The following CFAP92 variants were observed in gnomAD, a reference collection of about 807,000 sequenced individuals.
CFAP92 encodes the protein uncharacterized protein CFAP92.
In CFAP92, 86 loss-of-function variants were observed where a neutral mutation model predicts 106.3. That is an observed-to-expected ratio of 0.81 (90% CI 0.68 to 0.97). CFAP92 has a LOEUF of 0.97. Among genes scored for constraint, CFAP92 ranks in the 50% least tolerant of loss-of-function variants. CFAP92 has a pLI of 0.00. For missense variants in CFAP92, 1,204 were observed against 1,283.8 expected, an observed-to-expected ratio of 0.94 and a Z score of 0.95; for synonymous variants, 477 against 506.4, an observed-to-expected ratio of 0.94 and a Z score of 0.78.
chr3:128,993,181 T>C lies in CFAP92; in HGVS notation c.124A>G (p.Arg42Gly), dbSNP rs765406321. ...CGGTCAGAGTCAGACTCCTGGGCCCTGGCCTTGGCCTTCAGGTGTTCCTCC... is the reference window on the plus strand; with the variant it reads ...CGGTCAGAGTCAGACTCCTGGGCCCCGGCCTTGGCCTTCAGGTGTTCCTCC... Reference protein sequence around the residue: ...DVEEHLKAKARAQESDSDRPC... With the variant: ...DVEEHLKAKAGAQESDSDRPC... Residue 42 changes from arginine to glycine, a missense_variant, in exon 2 of 16, where the codon AGG (arginine) becomes GGG (glycine). By Grantham distance (125) the Arg-to-Gly change is moderately radical (BLOSUM62 -2). Coordinates refer to ENST00000645291, the MANE Select transcript of CFAP92 (RefSeq NM_001394090.1). 1.7e-5 allele frequency: 28 copies of C among 1,613,938 alleles called. No homozygotes were observed. Among genetic ancestry groups the C allele is most frequent in the Non-Finnish European group, 2.3e-5 (27 of 1,179,910 alleles).
chr3:128,935,637 A>G (rs1386467754), intron 10 of CFAP92, among the ~76,000 whole-genome samples: 2 of 152,132 alleles, frequency 1.3e-5, no homozygotes, highest in South Asian at 2.1e-4. Flanking sequence ...ACTTGAACCT[A>G]GGAGGCGGAG....
At chr3:128,957,399 T>C (rs1015202191) in intron 9 of CFAP92, among the ~76,000 whole-genome samples, 3 of 152,196 alleles carry the variant, frequency 2.0e-5, no homozygotes, top group Admixed American at 6.5e-5. Context: ...TCACTCAAAC[T>C]GGTAAAATAT....
chr3:128,973,673 A>G, intron 7 of CFAP92, among the ~76,000 whole-genome samples: 1 of 152,060 alleles, frequency 6.6e-6, no homozygotes, highest in African/African-American at 2.4e-5. Flanking sequence ...AAAAAAAAAA[A>G]AAGAGAGAGA....
At chr3:129,021,104 C>T in the CFAP92 span, among the ~76,000 whole-genome samples, 1 of 152,242 alleles carries the variant, frequency 6.6e-6, no homozygotes, top group South Asian at 2.1e-4. Flanking sequence ...ACATGAGGGG[C>T]CCTGCCAGGG....
the CFAP92 span, among the ~76,000 whole-genome samples, chr3:129,022,433 G>A: frequency 2.0e-5 from 3 of 152,210 alleles, no homozygotes; most frequent in Non-Finnish European, 4.4e-5. Flanking sequence ...ATGAAGATCT[G>A]GAGCCAGGAG....
intron 9 of CFAP92, among the ~76,000 whole-genome samples, chr3:128,964,643 C>G (rs147912447): frequency 3.3e-5 from 5 of 152,296 alleles, no homozygotes; most frequent in African/African-American, 1.2e-4. Context: ...ATTCTTAGAC[C>G]TTTTATACCT....
rs1482878769 is a variant in CFAP92 at position 128,977,049 on chromosome 3, G to T, written c.826C>A (p.Pro276Thr). The T allele has an allele frequency of 2.5e-6, 4 of 1,613,598 alleles. No individual in the cohort carries two copies. Among genetic ancestry groups the T allele is most frequent in the Non-Finnish European group, 3.4e-6 (4 of 1,179,752 alleles). Reference protein sequence around the residue: ...KSLQGSHQAEPETSSKNSEEY... With the variant: ...KSLQGSHQAETETSSKNSEEY... ...TCACTGTTCTTGGAAGAAGTTTCGGGCTCTGCTTGGTGAGAACCTGAAAAC... is the reference window on the plus strand; with the variant it reads ...TCACTGTTCTTGGAAGAAGTTTCGGTCTCTGCTTGGTGAGAACCTGAAAAC... Residue 276 changes from proline (P) to threonine (T), a missense_variant, in exon 6 of 16, where the codon CCC becomes ACC. Transcript: ENST00000645291.
At chr3:128,915,019 G>A (rs987079198) in intron 15 of CFAP92, 100 bp downstream of exon 15, 14 of 1,218,928 alleles carry the variant, frequency 1.1e-5, no homozygotes, top group African/African-American at 3.0e-5. Context: ...TTGGTTGATA[G>A]TGTAAACAAA....
chr3:128,978,296 CTAAAGTAAATATCACAA>C, intron 4 of CFAP92, 111 bp from the exon 5 acceptor site: 1 of 1,074,906 alleles, frequency 9.3e-7, no homozygotes. Context: ...TCAGACTACA[CTAAAGTAAATATCACAA>C]TAAAGTGAGT....
chr3:128,970,667 G>C (rs1250191361), intron 8 of CFAP92: 1 of 152,444 alleles, frequency 6.6e-6, no homozygotes, highest in Non-Finnish European at 1.5e-5. Context: ...TTCATAAATT[G>C]TGGTAGATCT....
chr3:128,990,097 A>T (rs1437829987), intron 2 of CFAP92, among the ~76,000 whole-genome samples: 2 of 152,280 alleles, frequency 1.3e-5, no homozygotes, highest in Non-Finnish European at 2.9e-5. Context: ...ACAGAAAAAC[A>T]TTTGAAACAA....
intron 6 of CFAP92, among the ~76,000 whole-genome samples, chr3:128,976,490 C>T (rs778227417): frequency 2.0e-5 from 3 of 152,168 alleles, no homozygotes; most frequent in Non-Finnish European, 4.4e-5. Context: ...TCTTCTCATT[C>T]CATTTCCCAA....
At chr3:128,940,731 G>T (rs1429960122) in intron 10 of CFAP92, among the ~76,000 whole-genome samples, 1 of 151,910 alleles carries the variant, frequency 6.6e-6, no homozygotes, top group Non-Finnish European at 1.5e-5. Flanking sequence ...CTATCTTAAT[G>T]ACTATAGTTT....
chr3:128,919,717 A>G (rs1937112345), intron 12 of CFAP92, among the ~76,000 whole-genome samples: 2 of 152,234 alleles, frequency 1.3e-5, no homozygotes, highest in African/African-American at 2.4e-5. Context: ...TAAGAACATA[A>G]GCAGAAAAAG....
chr3:129,014,862 C>T, the CFAP92 span, among the ~76,000 whole-genome samples: 1 of 152,092 alleles, frequency 6.6e-6, no homozygotes. This position sits in a 1 kb window ranked among gnomAD's most constrained non-coding sequence, Gnocchi z 4.3. Context: ...GAGGAGGGGC[C>T]AGTGAGGAGG....
chr3:128,921,852 T>C (rs895121375), intron 12 of CFAP92, among the ~76,000 whole-genome samples: 4 of 152,012 alleles, frequency 2.6e-5, no homozygotes, highest in African/African-American at 9.7e-5. Context: ...TCTCCCACCA[T>C]AGTAGGCAGT....
intron 15 of CFAP92, among the ~76,000 whole-genome samples, chr3:128,913,990 A>G (rs1015498473): frequency 1.3e-5 from 2 of 152,166 alleles, no homozygotes; most frequent in African/African-American, 2.4e-5. Flanking sequence ...CTTACATGCC[A>G]ATGGAGAATG....
At chr3:129,014,380 C>T in the CFAP92 span, among the ~76,000 whole-genome samples, 3 of 152,334 alleles carry the variant, frequency 2.0e-5, no homozygotes, top group Admixed American at 2.0e-4. The surrounding 1 kb of genome is among the most constrained non-coding windows in gnomAD (Gnocchi z 4.3). Flanking sequence ...GACCAGAGTG[C>T]GGTGTCGCAG....
chr3:128,986,697 G>A (rs1943877299), intron 4 of CFAP92, among the ~76,000 whole-genome samples: 1 of 152,190 alleles, frequency 6.6e-6, no homozygotes, highest in Non-Finnish European at 1.5e-5. Flanking sequence ...TTCCAGTGAA[G>A]CAGGTACTAG....
Sources: gnomAD v4.1 joint callset for allele counts (sites outside exome capture counted in the v4.1 genomes callset) on GRCh38, gnomAD v4.1.1 for gene constraint, Gnocchi (gnomAD v3.1) non-coding constraint, MANE v1.5 for transcripts, NCBI Gene and HGNC (gene_info 2026-07-23, HGNC 2026-07-21) for gene names.